Variants in TDRD1 observed in about 807,000 individuals in gnomAD.
The protein encoded by TDRD1 is tudor domain containing 1, also known as tudor domain-containing protein 1.
TDRD1 carries 37 observed loss-of-function variants against 140.6 expected under a neutral mutation model. The observed-to-expected ratio is 0.26, with a 90% confidence interval of 0.20 to 0.35. TDRD1 has a LOEUF of 0.35. Ranked by LOEUF, TDRD1 falls within the 10% of genes least tolerant of loss-of-function variation. TDRD1 has a pLI of 1.00. For synonymous variants in TDRD1, 506 were observed against 475.7 expected, an observed-to-expected ratio of 1.06 and a Z score of -0.83; for missense variants, 1,243 against 1,393.0, an observed-to-expected ratio of 0.89 and a Z score of 1.71.
At chr10:114,187,025 T>C (rs2120133011) in intron 1 of TDRD1, among the ~76,000 whole-genome samples, 1 of 152,272 alleles carries the variant, frequency 6.6e-6, no homozygotes. Context: ...AAAGAAGAGG[T>C]GTTCGTCCCT....
intron 3 of TDRD1, 51 bp from the exon 4 acceptor site, chr10:114,199,122 A>G: frequency 6.4e-7 from 1 of 1,574,222 alleles, no homozygotes; most frequent in Non-Finnish European, 8.6e-7. Context: ...TAGTATTTAA[A>G]TGGAAAAGTT....
intron 3 of TDRD1, among the ~76,000 whole-genome samples, chr10:114,197,924 G>A (rs749832184): frequency 5.9e-5 from 9 of 152,120 alleles, no homozygotes; most frequent in Non-Finnish European, 1.2e-4. Flanking sequence ...CCAAAGTGCC[G>A]GGATTACAGG....
intron 2 of TDRD1, among the ~76,000 whole-genome samples, chr10:114,188,528 C>T (rs747461830): frequency 2.6e-5 from 4 of 152,260 alleles, no homozygotes; most frequent in East Asian, 1.9e-4. Context: ...ACTGGTTTCA[C>T]GTGATTTATT....
rs766093298 is a variant in TDRD1 at position 114,204,185 on chromosome 10, T to C, written c.1094T>C (p.Leu365Pro). The C allele has an allele frequency of 6.3e-7, 1 of 1,597,984 alleles. No homozygotes were observed. The highest frequency in any genetic ancestry group is 2.2e-5 in the East Asian group (1 of 44,650). Reference sequence around the variant, plus strand: ...ATTCCATTAAACAGAATTTACCACCTCAACAGGAACATTGACTTGTTTCCT... The same window carrying C: ...ATTCCATTAAACAGAATTTACCACCCCAACAGGAACATTGACTTGTTTCCT... Residue 365 changes from leucine to proline, a missense_variant, in exon 9 of 26, where the codon CTC becomes CCC. Physicochemically the swap from Leu to Pro is moderately conservative, Grantham distance 98. Coordinates refer to ENST00000251864, the Ensembl canonical transcript of TDRD1.
At chr10:114,189,556 C>A (rs900614813) in intron 2 of TDRD1, among the ~76,000 whole-genome samples, 1 of 152,142 alleles carries the variant, frequency 6.6e-6, no homozygotes, top group African/African-American at 2.4e-5. Context: ...CCAAGACAGA[C>A]TTTTCTGGTG....
chr10:114,196,886 G>A (rs1389658118), intron 3 of TDRD1, among the ~76,000 whole-genome samples: 1 of 107,444 alleles, frequency 9.3e-6, no homozygotes, highest in South Asian at 3.1e-4. Context: ...GGCTCTTGAC[G>A]CCTGGGCTGG....
intron 10 of TDRD1, among the ~76,000 whole-genome samples, chr10:114,205,733 G>C (rs1257804663): frequency 6.6e-6 from 1 of 152,114 alleles, no homozygotes; most frequent in Non-Finnish European, 1.5e-5. Flanking sequence ...TCAGGGGCTG[G>C]GAGTAGGTGG....
At chr10:114,180,113 C>G (rs1451245259) in intron 1 of TDRD1, 2 of 152,158 alleles carry the variant, frequency 1.3e-5, no homozygotes, top group East Asian at 3.8e-4. Context: ...ATACTTTAGT[C>G]CTCAAATTAT....
At chr10:114,213,281 A>G (rs17715067) in intron 14 of TDRD1, 65 bp from the exon 15 acceptor site, 224,171 of 1,489,990 alleles carry the variant, frequency 0.15, 18,433 homozygotes, top group Middle Eastern at 0.22. Flanking sequence ...CTTGGGGGAA[A>G]TTAGGAGCTA....
intron 25 of TDRD1, chr10:114,228,659 G>A: frequency 1.0e-6 from 1 of 985,448 alleles, no homozygotes; most frequent in Non-Finnish European, 1.2e-6. Flanking sequence ...GGTGATTCTA[G>A]TGTCTAAAGA....
At chr10:114,193,802 A>G (rs1043360402) in intron 3 of TDRD1, among the ~76,000 whole-genome samples, 5 of 152,240 alleles carry the variant, frequency 3.3e-5, no homozygotes, top group African/African-American at 4.8e-5. Flanking sequence ...TTAGGGAGAA[A>G]GCATTCAGTC....
chr10:114,200,375 G>C (rs1589677590), intron 4 of TDRD1, among the ~76,000 whole-genome samples: 1 of 111,252 alleles, frequency 9.0e-6, no homozygotes, highest in Non-Finnish European at 2.0e-5. Flanking sequence ...TTGTGGGTTT[G>C]TTGTTGTTGT....
chr10:114,198,872 T>C (rs1417181584), intron 3 of TDRD1, among the ~76,000 whole-genome samples: 1 of 152,176 alleles, frequency 6.6e-6, no homozygotes. Context: ...TTTTGGTGTT[T>C]CTGGGTTGCT....
exon 12 of TDRD1, chr10:114,210,615 A>G (rs1237629497): frequency 1.2e-6 from 2 of 1,600,098 alleles, no homozygotes; most frequent in East Asian, 2.2e-5. Flanking sequence ...TGACAACTGA[A>G]AACAACATTG....
rs190688047 is a variant in TDRD1, at chr10:114,188,975, T to C, written c.325+819T>C. 3.9e-4 allele frequency among the ~76,000 whole-genome samples: 60 copies of C among 151,940 alleles called. 1 individual carries two copies. Among genetic ancestry groups the C allele is most frequent in the African/African-American group, 1.4e-3 (58 of 41,430 alleles). On this transcript the variant is annotated intron_variant, in intron 2 of 25. Coordinates refer to ENST00000251864, the Ensembl canonical transcript of TDRD1. ...GTTGTGGTCTTCTAACATGGTGATA[T>C]AATTCTCAGAATGTGCGCTTGGGCC...
chr10:114,187,126 A>G (rs1018657912), intron 1 of TDRD1, among the ~76,000 whole-genome samples: 2 of 152,248 alleles, frequency 1.3e-5, no homozygotes, highest in African/African-American at 4.8e-5. Context: ...TCTCAGAGAC[A>G]CTTTGTGACA....
chr10:114,191,256 C>A (rs2033942821), intron 3 of TDRD1, among the ~76,000 whole-genome samples: 1 of 152,122 alleles, frequency 6.6e-6, no homozygotes, highest in African/African-American at 2.4e-5. Flanking sequence ...TAACATGCTG[C>A]AAAACTATAG....
intron 3 of TDRD1, among the ~76,000 whole-genome samples, chr10:114,194,247 A>AAG (rs1409764312): frequency 5.3e-5 from 8 of 152,184 alleles, no homozygotes; most frequent in Non-Finnish European, 1.0e-4. Flanking sequence ...TGTTTGCTGG[A>AAG]AGAGAAATTG....
intron 11 of TDRD1, among the ~76,000 whole-genome samples, chr10:114,208,369 T>C (rs2035264569): frequency 6.6e-6 from 1 of 152,210 alleles, no homozygotes; most frequent in Admixed American, 6.5e-5. Flanking sequence ...AGATGAGATA[T>C]GGTATATTAA....
Sources: gnomAD v4.1 joint callset for allele counts (sites outside exome capture counted in the v4.1 genomes callset) on GRCh38, gnomAD v4.1.1 for gene constraint, MANE v1.5 for transcripts, NCBI Gene and HGNC (gene_info 2026-07-23, HGNC 2026-07-21) for gene names.